Variants in PPP3CA observed in about 807,000 individuals in gnomAD.
PPP3CA encodes protein phosphatase 3 catalytic subunit alpha, also known as CAM-PRP catalytic subunit.
A neutral mutation model predicts 66.5 loss-of-function variants in PPP3CA; 14 were observed. That is an observed-to-expected ratio of 0.21 (90% CI 0.14 to 0.33). The LOEUF (loss-of-function observed/expected upper bound fraction) is 0.33. PPP3CA is among the 10% of genes least tolerant of loss of function. The probability of loss-of-function intolerance (pLI) is 1.00; values close to 1 mark genes in which losing one functional copy is unlikely to be tolerated. For synonymous variants in PPP3CA, 232 were observed against 226.2 expected (o/e 1.03, Z -0.23); for missense variants, 317 against 639.5 (o/e 0.50, Z 5.44).
intron 2 of PPP3CA, among the ~76,000 whole-genome samples, chr4:101,145,410 C>G (rs1722938103): frequency 6.6e-6 from 1 of 152,034 alleles, no homozygotes; most frequent in Non-Finnish European, 1.5e-5. Flanking sequence ...ATAAAGAAAA[C>G]ATGGTACATA....
chr4:101,172,148 G>A lies in PPP3CA; in HGVS notation c.259+23768C>T, dbSNP rs142721843. Among the ~76,000 whole-genome samples the A allele has an allele frequency of 2.9e-3, 446 of 152,226 alleles. 4 individuals carry two copies. The highest frequency in any genetic ancestry group is 9.8e-3 in the African/African-American group (406 of 41,538). On this transcript the variant is annotated intron_variant, in intron 2 of 13. Coordinates refer to ENST00000394854, the MANE Select transcript of PPP3CA (RefSeq NM_000944.5). ...CGCTTGACTCTCTCAATAAGCCCAT[G>A]ACAGGCAGTGGAGGTATTATTATCC...
chr4:101,101,111 T>A (rs1010994667), intron 3 of PPP3CA, among the ~76,000 whole-genome samples: 5 of 152,178 alleles, frequency 3.3e-5, no homozygotes, highest in Non-Finnish European at 2.9e-5. Context: ...TTTAAGTTTC[T>A]AATTACCACT....
rs1730038703 is a variant in PPP3CA at position 101,347,152 on chromosome 4, C to T, written c.-356G>A. 3 of 417,834 alleles carry T rather than the reference C, an allele frequency of 7.2e-6. No individual in the cohort carries two copies. The highest frequency in any genetic ancestry group is 1.3e-5 in the Non-Finnish European group (3 of 229,118). The allele number at this position is 417,834 out of a possible 1,614,324, so 25.9% of individuals were successfully genotyped here. On this transcript the variant is annotated 5_prime_UTR_variant, in exon 1 of 14. Coordinates refer to ENST00000394854, the MANE Select transcript of PPP3CA (RefSeq NM_000944.5). ...GAGAAGCGCACACACGAGCACCCAC[C>T]CCGGCACGGAGACCCAGCACCGCGG...
intron 1 of PPP3CA, among the ~76,000 whole-genome samples, chr4:101,343,516 T>A (rs1729883532): frequency 6.6e-6 from 1 of 152,188 alleles, no homozygotes; most frequent in South Asian, 2.1e-4. Flanking sequence ...AAAAATATAA[T>A]GTAAAGCAAT....
At chr4:101,182,592 C>T (rs1247260538) in intron 2 of PPP3CA, among the ~76,000 whole-genome samples, 1 of 152,116 alleles carries the variant, frequency 6.6e-6, no homozygotes, top group Non-Finnish European at 1.5e-5. Context: ...AATATATTGG[C>T]TTCTCTCTGG....
At chr4:101,150,807 C>T (rs868675369) in intron 2 of PPP3CA, among the ~76,000 whole-genome samples, 6 of 152,204 alleles carry the variant, frequency 3.9e-5, no homozygotes, top group Middle Eastern at 3.4e-3. Context: ...TCACATAATA[C>T]TTTATTTTCA....
intron 1 of PPP3CA, among the ~76,000 whole-genome samples, chr4:101,280,111 G>C (rs1394306053): frequency 6.6e-6 from 1 of 152,156 alleles, no homozygotes; most frequent in Non-Finnish European, 1.5e-5. Flanking sequence ...CGAATAAAAT[G>C]GACAAAAGTC....
chr4:101,225,801 A>G (rs1164542611), intron 1 of PPP3CA, among the ~76,000 whole-genome samples: 1 of 151,820 alleles, frequency 6.6e-6, no homozygotes, highest in Non-Finnish European at 1.5e-5. Flanking sequence ...TCTGGGATAC[A>G]GGTAGATTTA....
chr4:101,176,681 T>C (rs1412003283), intron 2 of PPP3CA, among the ~76,000 whole-genome samples: 2 of 152,256 alleles, frequency 1.3e-5, no homozygotes, highest in East Asian at 1.9e-4. Flanking sequence ...ATCAGACATA[T>C]GGGGCAAATG....
chr4:101,302,833 C>T (rs564442549), intron 1 of PPP3CA, among the ~76,000 whole-genome samples: 2 of 152,310 alleles, frequency 1.3e-5, no homozygotes, highest in Admixed American at 1.3e-4. Context: ...AAGTTTCTGG[C>T]TCCAACCTCT....
chr4:101,314,391 C>T (rs750085182), intron 1 of PPP3CA, among the ~76,000 whole-genome samples: 20 of 151,488 alleles, frequency 1.3e-4, no homozygotes, highest in Admixed American at 2.0e-4. Context: ...GGTGAAACCC[C>T]GTCTCTACTA....
rs1181732562 is a variant in PPP3CA, at chr4:101,282,275, GA to G, written c.58+64463del. ...TGCAACCAAGAGCTAAGTGGCAACA[GA>G]AAAAAACTACAGTTTTTCTATCCTA... On this transcript the variant is annotated intron_variant, in intron 1 of 13. Transcript: ENST00000394854. 6.6e-5 allele frequency among the ~76,000 whole-genome samples: 10 copies of G among 152,146 alleles called. No homozygotes were observed. The South Asian group carries it at 1.2e-3, about 19-fold the overall frequency.
chr4:101,247,101 T>C (rs1463888811), intron 1 of PPP3CA, among the ~76,000 whole-genome samples: 3 of 152,102 alleles, frequency 2.0e-5, no homozygotes, highest in Non-Finnish European at 2.9e-5. Flanking sequence ...CATAAAGTCT[T>C]TTTAATGCCT....
Position 101,099,719 on chromosome 4 carries a change from C to G in PPP3CA, c.388G>C (p.Val130Leu). The change falls in exon 4 of 14, where the codon GTG (valine) becomes CTG (leucine). Residue 130 changes from valine to leucine, a missense_variant. Val to Leu is a conservative substitution (Grantham distance 32). Transcript: ENST00000394854. ...ATTTTCAAGGCCCACAAATACAGCA[C>G]ACACTGAGAAAAATAAAAATAATAT... The part of the protein sequence containing the change: ...VDRGYFSIEC[V>L]LYLWALKILY... 6.8e-7 allele frequency: 1 copy of G among 1,481,010 alleles called. No homozygotes were observed. Among genetic ancestry groups the G allele is most frequent in the Non-Finnish European group, 9.1e-7 (1 of 1,102,428 alleles). The allele number at this position is 1,481,010 out of a possible 1,614,324, so 91.7% of individuals were successfully genotyped here.
intron 1 of PPP3CA, among the ~76,000 whole-genome samples, chr4:101,273,252 C>T (rs975996164): frequency 6.4e-4 from 98 of 152,138 alleles, no homozygotes; most frequent in African/African-American, 2.2e-3. Context: ...ACACATTTTT[C>T]ATTCAGAGAT....
intron 1 of PPP3CA, among the ~76,000 whole-genome samples, chr4:101,280,274 T>A (rs1270029500): frequency 6.6e-6 from 1 of 152,128 alleles, no homozygotes; most frequent in African/African-American, 2.4e-5. Flanking sequence ...GTGGGGAGAC[T>A]AAGCCATGTG....
chr4:101,345,821 A>G (rs1427026623), intron 1 of PPP3CA, among the ~76,000 whole-genome samples: 1 of 152,142 alleles, frequency 6.6e-6, no homozygotes, highest in Non-Finnish European at 1.5e-5. Context: ...AGGAGGCAAT[A>G]ATAGGAATCC....
rs2583390 is a variant in PPP3CA at position 101,346,665 on chromosome 4, A to G, written c.58+74T>C. ...GAACCTGGGGCGGGGGAGGGGAGGA[A>G]AGGCGAGGCGAGGCAAGCTGCCCTG... On this transcript the variant is annotated intron_variant, in intron 1 of 13. Coordinates refer to ENST00000394854, the MANE Select transcript of PPP3CA (RefSeq NM_000944.5). 1,052,445 of 1,290,104 alleles carry G rather than the reference A, an allele frequency of 0.82. 428,470 individuals carry two copies. The highest frequency in any genetic ancestry group is 0.9 in the South Asian group (71,660 of 79,828). 79.9% of individuals were successfully genotyped at this position (1,290,104 alleles called of 1,614,324 possible).
chr4:101,129,994 G>C (rs71614681), intron 2 of PPP3CA, among the ~76,000 whole-genome samples: 14,685 of 152,082 alleles, frequency 0.097, 931 homozygotes, highest in Middle Eastern at 0.14. Flanking sequence ...AGGAAGCTAA[G>C]AACATTGATA....
Sources: allele counts gnomAD v4.1 joint callset (sites outside exome capture counted in the v4.1 genomes callset), GRCh38; gene constraint gnomAD v4.1.1; transcripts MANE v1.5; gene names NCBI Gene and HGNC (gene_info 2026-07-23, HGNC 2026-07-21).